Variants in LINGO2 observed in about 807,000 individuals in gnomAD.
LINGO2 encodes leucine-rich repeat and immunoglobulin-like domain-containing nogo receptor-interacting protein 2.
Under a neutral mutation model 30.6 loss-of-function variants are expected in LINGO2, and 14 were observed. The observed-to-expected ratio is 0.46, with a 90% CI of 0.30 to 0.72. The LOEUF (loss-of-function observed/expected upper bound fraction) is 0.72, where lower values mean the gene tolerates loss of function less well. Ranked by LOEUF, LINGO2 falls within the 30% of genes least tolerant of loss-of-function variation. The pLI, the probability that LINGO2 is intolerant of heterozygous loss-of-function variation, is 0.07. For missense variants in LINGO2, 729 were observed against 751.7 expected (o/e 0.97, Z 0.35); for synonymous variants, 317 against 288.5 (o/e 1.10, Z -1.00).
At chr9:28,296,795 AAC>A (rs1321342873) in intron 3 of LINGO2, among the ~76,000 whole-genome samples, 3 of 152,180 alleles carry the variant, frequency 2.0e-5, no homozygotes, top group African/African-American at 7.2e-5. Context: ...ACACCCCCTC[AAC>A]ACACACACGT....
chr9:28,803,833 C>T, the LINGO2 span, among the ~76,000 whole-genome samples: 2 of 151,948 alleles, frequency 1.3e-5, no homozygotes, highest in Non-Finnish European at 2.9e-5. Context: ...TAGATAAAAT[C>T]AGTGTTAACT....
intron 2 of LINGO2, among the ~76,000 whole-genome samples, chr9:28,428,584 TG>T (rs939375938): frequency 1.3e-5 from 2 of 151,848 alleles, no homozygotes; most frequent in African/African-American, 4.8e-5. Flanking sequence ...TTTCAGTCAT[TG>T]ACCTCAATTG....
the LINGO2 span, among the ~76,000 whole-genome samples, chr9:28,986,092 A>G: frequency 6.6e-6 from 1 of 152,002 alleles, no homozygotes; most frequent in Non-Finnish European, 1.5e-5. Context: ...TAGCTTTCCC[A>G]ACACCATTTA....
chr9:28,883,889 G>T, the LINGO2 span, among the ~76,000 whole-genome samples: 2 of 150,812 alleles, frequency 1.3e-5, no homozygotes, highest in East Asian at 3.9e-4. Flanking sequence ...TGCTGAACAG[G>T]CTGGTCTCGA....
At chr9:28,581,767 T>C (rs1824269402) in intron 1 of LINGO2, among the ~76,000 whole-genome samples, 1 of 151,944 alleles carries the variant, frequency 6.6e-6, no homozygotes, top group South Asian at 2.1e-4. Context: ...ATCAATGGTT[T>C]TCCTTCTTCT....
At chr9:29,090,843 A>G in the LINGO2 span, among the ~76,000 whole-genome samples, 5 of 151,952 alleles carry the variant, frequency 3.3e-5, no homozygotes. Flanking sequence ...GAATAATATC[A>G]ACATTTTCTA....
chr9:28,387,667 G>A (rs1016157949), intron 2 of LINGO2, among the ~76,000 whole-genome samples: 1 of 152,082 alleles, frequency 6.6e-6, no homozygotes, highest in Non-Finnish European at 1.5e-5. Context: ...AACTGTGGAC[G>A]CGCCACCTTT....
chr9:28,439,016 T>C (rs1824078683), intron 2 of LINGO2, among the ~76,000 whole-genome samples: 1 of 147,226 alleles, frequency 6.8e-6, no homozygotes, highest in Non-Finnish European at 1.5e-5. Flanking sequence ...TATAATGAAA[T>C]ACAGATATCT....
intron 4 of LINGO2, among the ~76,000 whole-genome samples, chr9:28,277,727 T>A (rs971599109): frequency 6.6e-6 from 1 of 151,892 alleles, no homozygotes; most frequent in Admixed American, 6.6e-5. Flanking sequence ...GAGACTCACT[T>A]GAACCCAGGA....
intron 1 of LINGO2, among the ~76,000 whole-genome samples, chr9:28,501,851 G>A (rs1819901080): frequency 6.6e-6 from 1 of 152,080 alleles, no homozygotes; most frequent in African/African-American, 2.4e-5. Flanking sequence ...AAAATTCACA[G>A]AAGAAAAACA....
the LINGO2 span, among the ~76,000 whole-genome samples, chr9:28,705,078 C>T: frequency 6.6e-6 from 1 of 151,936 alleles, no homozygotes; most frequent in African/African-American, 2.4e-5. Context: ...CCATGCCTGG[C>T]TAATTTTTTG....
the LINGO2 span, among the ~76,000 whole-genome samples, chr9:28,838,684 C>A: frequency 6.6e-6 from 1 of 152,202 alleles, no homozygotes; most frequent in Non-Finnish European, 1.5e-5. Flanking sequence ...CTCACAGGAT[C>A]CTTGGGGTGT....
At position 27,977,137 on chromosome 9, in the gene LINGO2, T is replaced by C. The variant is rs998062704; in HGVS notation, c.-35-26431A>G. Among the ~76,000 whole-genome samples the C allele has an allele frequency of 5.9e-5, 9 of 151,874 alleles. No homozygotes were observed. The South Asian group carries it at 1.7e-3, about 28-fold the overall frequency. The stretch of plus-strand genomic sequence containing the variant: ...TTATGGAAATAGACTCTAGGCAACA[T>C]TCTAAAATTTGGGCTTTACCTACTT... On this transcript the variant is annotated intron_variant, in intron 5 of 5. Coordinates refer to ENST00000379992, the Ensembl canonical transcript of LINGO2.
chr9:29,195,122 C>T, the LINGO2 span, among the ~76,000 whole-genome samples: 11 of 148,212 alleles, frequency 7.4e-5, no homozygotes, highest in South Asian at 2.1e-4. Context: ...TAGAACCATA[C>T]GGTATGTAAA....
chr9:28,846,388 T>C, the LINGO2 span, among the ~76,000 whole-genome samples: 1 of 149,566 alleles, frequency 6.7e-6, no homozygotes, highest in Non-Finnish European at 1.5e-5. Flanking sequence ...TTTAGAATGC[T>C]TTTGCCATAA....
At chr9:29,008,614 T>C in the LINGO2 span, among the ~76,000 whole-genome samples, 18 of 152,226 alleles carry the variant, frequency 1.2e-4, no homozygotes, top group African/African-American at 4.3e-4. Context: ...TTAATGATCA[T>C]CATTCTAACT....
the LINGO2 span, among the ~76,000 whole-genome samples, chr9:29,158,184 TA>T: frequency 4.6e-3 from 551 of 119,750 alleles, 6 homozygotes; most frequent in African/African-American, 0.017. Context: ...CTACACAAAG[TA>T]AAAAAAAACA....
At chr9:28,802,546 G>A in the LINGO2 span, among the ~76,000 whole-genome samples, 2 of 151,954 alleles carry the variant, frequency 1.3e-5, no homozygotes, top group Non-Finnish European at 1.5e-5. Context: ...AAAAATACTT[G>A]TCAGAATGGT....
intron 1 of LINGO2, among the ~76,000 whole-genome samples, chr9:28,577,056 A>G (rs941377405): frequency 8.5e-5 from 13 of 152,168 alleles, no homozygotes; most frequent in Admixed American, 7.9e-4. Flanking sequence ...GGGCCAAGCT[A>G]ACTTTGGGAG....
Sources: allele counts gnomAD v4.1 joint callset (sites outside exome capture counted in the v4.1 genomes callset), GRCh38; gene constraint gnomAD v4.1.1; transcripts MANE v1.5; gene names NCBI Gene and HGNC (gene_info 2026-07-23, HGNC 2026-07-21).